SKIL: variants seen among roughly 807,000 people sequenced by gnomAD.
SKIL encodes ski-like protein.
In SKIL, 20 loss-of-function variants were observed where a neutral mutation model predicts 69.6. The ratio of observed to expected loss-of-function variants is 0.29; its 90% CI spans 0.20 to 0.42. The LOEUF (loss-of-function observed/expected upper bound fraction) is 0.42. Among genes scored for constraint, SKIL ranks in the 10% least tolerant of loss-of-function variants. SKIL has a pLI of 1.00. For missense variants in SKIL, 745 were observed against 783.1 expected (o/e 0.95, Z 0.58); for synonymous variants, 310 against 279.9 (o/e 1.11, Z -1.08).
intron 2 of SKIL, among the ~76,000 whole-genome samples, chr3:170,365,915 C>T (rs1736483994): frequency 1.3e-5 from 2 of 151,998 alleles, no homozygotes; most frequent in Admixed American, 1.3e-4. Flanking sequence ...GCCACCATAC[C>T]CAGCTAATTT....
At chr3:170,378,029 G>T (rs1577429612) in intron 2 of SKIL, among the ~76,000 whole-genome samples, 1 of 152,124 alleles carries the variant, frequency 6.6e-6, no homozygotes, top group South Asian at 2.1e-4. Context: ...GAGTAGCTAG[G>T]ATTACAGGTG....
rs746996762 is a variant in SKIL, at chr3:170,390,208, T to G, written c.1430-15T>G. The G allele has an allele frequency of 1.9e-6, 3 of 1,586,024 alleles. No individual in the cohort carries two copies. Among genetic ancestry groups the G allele is most frequent in the African/African-American group, 2.7e-5 (2 of 74,118 alleles). Reference sequence around the variant, plus strand: ...TGATATTCATACTTTGTTACTTGATTTTTTTCTCTCCAAGATGCATCAATC... The same window carrying G: ...TGATATTCATACTTTGTTACTTGATGTTTTTCTCTCCAAGATGCATCAATC... On this transcript the variant is annotated splice_polypyrimidine_tract_variant and intron_variant, in intron 4 of 6. Transcript: ENST00000259119.
intron 2 of SKIL, among the ~76,000 whole-genome samples, chr3:170,368,746 AGTT>A (rs1736660944): frequency 2.0e-5 from 3 of 152,236 alleles, no homozygotes; most frequent in Non-Finnish European, 1.5e-5. Flanking sequence ...TAATTACAGT[AGTT>A]GGATATTTGC....
In SKIL at chr3:170,390,342, C is replaced by T. The variant is rs1180020521; in HGVS notation, c.1549C>T (p.Leu517Phe). ...GLVAAASSPL[L>F]VKDVICEDDK... ...TGTTGCTGCCGCTTCATCTCCGCTT[C>T]TTGTGAAAGATGTCATTTGTGAGGA... Residue 517 changes from leucine (L) to phenylalanine (F), a missense_variant, in exon 5 of 7, where the codon CTT (leucine) becomes TTT (phenylalanine). Leu to Phe is a conservative substitution (Grantham distance 22, BLOSUM62 0). Coordinates refer to ENST00000259119, the MANE Select transcript of SKIL (RefSeq NM_005414.5). The T allele has an allele frequency of 1.2e-6, 2 of 1,613,970 alleles. No homozygotes were observed. Among genetic ancestry groups the T allele is most frequent in the Non-Finnish European group, 1.7e-6 (2 of 1,179,992 alleles).
chr3:170,360,382 A>C lies in SKIL; in HGVS notation c.51A>C (p.Lys17Asn), dbSNP rs571337032. 6.2e-6 allele frequency: 10 copies of C among 1,601,336 alleles called. No homozygotes were observed. The East Asian group carries it at 1.8e-4, about 29-fold the overall frequency. Reference sequence around the variant, plus strand: ...CCTTGGTTCAGGGCTCAACTAAAAAACTGAATGGGATGGGAGATGATGGCA... The same window carrying C: ...CCTTGGTTCAGGGCTCAACTAAAAACCTGAATGGGATGGGAGATGATGGCA... ...NFSLVQGSTK[K>N]LNGMGDDGSP... Residue 17 changes from lysine (K) to asparagine (N), a missense_variant, in exon 2 of 7, where the codon AAA (lysine) becomes AAC (asparagine). Coordinates refer to ENST00000259119, the MANE Select transcript of SKIL (RefSeq NM_005414.5).
chr3:170,383,646 G>A (rs142802171), intron 3 of SKIL, among the ~76,000 whole-genome samples: 283 of 152,304 alleles, frequency 1.9e-3, no homozygotes, highest in African/African-American at 6.6e-3. Flanking sequence ...AGGAAGTAGT[G>A]AAGTATTTCA....
chr3:170,386,670 G>T (rs1353401050), intron 4 of SKIL, among the ~76,000 whole-genome samples: 1 of 151,854 alleles, frequency 6.6e-6, no homozygotes, highest in Non-Finnish European at 1.5e-5. Flanking sequence ...GGGTCTCACT[G>T]TATTGCCCAG....
intron 2 of SKIL, 130 bp downstream of exon 2, chr3:170,361,559 T>G (rs895385733): frequency 1.3e-6 from 1 of 752,462 alleles, no homozygotes; most frequent in Non-Finnish European, 2.2e-6. Flanking sequence ...CCGATTGATA[T>G]ATTTGTATTG....
At position 170,362,878 on chromosome 3, in the gene SKIL, A is replaced by T. The variant is rs547566290; in HGVS notation, c.1098+1449A>T. Among the ~76,000 whole-genome samples, 10 of 149,086 alleles carry T rather than the reference A, an allele frequency of 6.7e-5. No homozygotes were observed. In the South Asian group the frequency reaches 2.0e-3, roughly 29 times the overall value. ...ATAATTTTATTTTTCCTGCTGCATT[A>T]TCTAGTAGGCTAAACTATTATTTTC... On this transcript the variant is annotated intron_variant, in intron 2 of 6. Coordinates refer to ENST00000259119, the MANE Select transcript of SKIL (RefSeq NM_005414.5).
chr3:170,384,335 T>C (rs1246003112), intron 3 of SKIL, among the ~76,000 whole-genome samples, 198 bp from the exon 4 acceptor site: 3 of 152,162 alleles, frequency 2.0e-5, no homozygotes, highest in African/African-American at 7.2e-5. Flanking sequence ...AAATCCCTTA[T>C]AATTTTGTTT....
chr3:170,368,898 G>A (rs1472284362), intron 2 of SKIL, among the ~76,000 whole-genome samples: 1 of 152,002 alleles, frequency 6.6e-6, no homozygotes, highest in Non-Finnish European at 1.5e-5. Flanking sequence ...CCATTTATTC[G>A]GTTGATACCA....
chr3:170,381,390 C>G, intron 3 of SKIL, 49 bp downstream of exon 3: 1 of 868,118 alleles, frequency 1.2e-6, no homozygotes, highest in Non-Finnish European at 2.0e-6. Context: ...CTTCATTCAA[C>G]AACTATATGC....
chr3:170,369,737 AGTG>A, intron 2 of SKIL, among the ~76,000 whole-genome samples: 1 of 152,156 alleles, frequency 6.6e-6, no homozygotes, highest in Middle Eastern at 3.4e-3. Flanking sequence ...GAATTCTGGG[AGTG>A]GAAAGTGATT....
At chr3:170,366,388 C>T (rs11709899) in intron 2 of SKIL, among the ~76,000 whole-genome samples, 2,780 of 151,856 alleles carry the variant, frequency 0.018, 46 homozygotes, top group Middle Eastern at 0.11. Flanking sequence ...AAGAAATATA[C>T]TTGATTTTAG....
At chr3:170,380,472 A>G (rs889106223) in intron 2 of SKIL, among the ~76,000 whole-genome samples, 6 of 151,922 alleles carry the variant, frequency 3.9e-5, no homozygotes, top group African/African-American at 1.5e-4. Flanking sequence ...GCAAAACCCA[A>G]TCTCTACTAA....
chr3:170,386,410 G>C (rs377436446), intron 4 of SKIL, among the ~76,000 whole-genome samples: 3 of 152,156 alleles, frequency 2.0e-5, no homozygotes, highest in Admixed American at 6.5e-5. Context: ...GATTACAGGC[G>C]TGAGCCATCG....
chr3:170,379,414 C>T (rs1253201559), intron 2 of SKIL, among the ~76,000 whole-genome samples: 1 of 152,088 alleles, frequency 6.6e-6, no homozygotes, highest in Non-Finnish European at 1.5e-5. Flanking sequence ...TTGTTGGTCA[C>T]CTTAACCATG....
intron 2 of SKIL, among the ~76,000 whole-genome samples, chr3:170,367,209 C>T (rs1001138270): frequency 4.0e-5 from 6 of 150,176 alleles, no homozygotes; most frequent in East Asian, 2.0e-4. Context: ...CCCAGGTTCA[C>T]GCCATTCTCC....
intron 4 of SKIL, among the ~76,000 whole-genome samples, chr3:170,387,226 TAGTC>T (rs1252067717): frequency 1.3e-5 from 2 of 152,228 alleles, no homozygotes; most frequent in African/African-American, 2.4e-5. Flanking sequence ...TTCGCCATGT[TAGTC>T]AGGCTGATCT....
Sources: allele counts gnomAD v4.1 joint callset (sites outside exome capture counted in the v4.1 genomes callset), GRCh38; gene constraint gnomAD v4.1.1; transcripts MANE v1.5; gene names NCBI Gene and HGNC (gene_info 2026-07-23, HGNC 2026-07-21).